The following KMT2C variants were observed in gnomAD, a reference collection of about 807,000 sequenced individuals.
KMT2C encodes the protein histone-lysine N-methyltransferase 2C.
In KMT2C, 88 loss-of-function variants were observed where a neutral mutation model predicts 507.9. The observed-to-expected ratio is 0.17, with a 90% CI of 0.15 to 0.21. The LOEUF (loss-of-function observed/expected upper bound fraction) is 0.21. Among genes scored for constraint, KMT2C ranks in the 10% least tolerant of loss-of-function variants. The pLI is 1.00. For synonymous variants in KMT2C, 2,049 were observed against 2,080.8 expected (o/e 0.98, Z 0.42); for missense variants, 4,954 against 5,957.8 (o/e 0.83, Z 5.55).
At chr7:152,366,248 C>T in intron 1 of KMT2C, among the ~76,000 whole-genome samples, 1 of 152,088 alleles carries the variant, frequency 6.6e-6, no homozygotes, top group East Asian at 1.9e-4. Context: ...TGGGTATACA[C>T]CAAAAAGAAT....
intron 6 of KMT2C, among the ~76,000 whole-genome samples, chr7:152,293,870 A>AT (rs2096459874): frequency 6.6e-6 from 1 of 152,002 alleles, no homozygotes; most frequent in South Asian, 2.1e-4. Context: ...TCATTCATTC[A>AT]TTTTTGAGAC....
At chr7:152,307,948 T>C (rs535753229) in intron 6 of KMT2C, among the ~76,000 whole-genome samples, 3 of 152,334 alleles carry the variant, frequency 2.0e-5, no homozygotes, top group Admixed American at 1.3e-4. Flanking sequence ...CTTTTCACTG[T>C]CACAAAATAG....
At position 152,148,027 on chromosome 7, in the gene KMT2C, C is replaced by T. The variant is rs768878330; in HGVS notation, c.13894+6G>A. 1.2e-5 allele frequency: 19 copies of T among 1,564,572 alleles called. No individual in the cohort carries two copies. Among genetic ancestry groups the T allele is most frequent in the Middle Eastern group, 1.8e-4 (1 of 5,652 alleles). ...CACTGCACAGCATGTGAACGGCAGA[C>T]GTTACCTTTAGGTGAGATGTCACTT... On this transcript the variant is annotated splice_donor_region_variant and intron_variant, in intron 52 of 58. Transcript: ENST00000262189. This position sits in a 1 kb window ranked among gnomAD's most constrained non-coding sequence, Gnocchi z 7.1.
chr7:152,328,911 G>C (rs1236982312), intron 3 of KMT2C, among the ~76,000 whole-genome samples: 2 of 152,082 alleles, frequency 1.3e-5, no homozygotes, highest in African/African-American at 4.8e-5. Context: ...AAGCAGATTT[G>C]GGGCAGAGGT....
Position 152,151,431 on chromosome 7 carries a change from T to C in KMT2C, c.12666+11A>G. ...GTAGGAGGTGGGGTCATAAAAGGAG[T>C]AGCAAAGTACCTTGTTCAAAAGGGT... On this transcript the variant is annotated intron_variant, in intron 50 of 58. Transcript: ENST00000262189. The C allele has an allele frequency of 1.2e-6, 2 of 1,613,286 alleles. No individual in the cohort carries two copies. Among genetic ancestry groups the C allele is most frequent in the Non-Finnish European group, 1.7e-6 (2 of 1,179,632 alleles).
In KMT2C at chr7:152,199,402, C is replaced by T. The variant is rs770768691; in HGVS notation, c.4150G>A (p.Asp1384Asn). 5 of 1,595,776 alleles carry T rather than the reference C, an allele frequency of 3.1e-6. No homozygotes were observed. The highest frequency in any genetic ancestry group is 2.7e-5 in the African/African-American group (2 of 73,666). The change falls in exon 27 of 59, where the codon GAT becomes AAT. Residue 1384 changes from aspartate to asparagine, a missense_variant. By Grantham distance (23) the Asp-to-Asn change is conservative (BLOSUM62 1). Transcript: ENST00000262189. ...TGAGCTCCATCTTCTGACAGATTAT[C>T]TAAACTTATCTTGCTTTGTCTACTT... The part of the protein sequence containing the change: ...DTSRQSKISL[D>N]NLSEDGAQLL...
chr7:152,224,734 C>T (rs1241085032), intron 18 of KMT2C, 118 bp from the exon 19 acceptor site: 4 of 757,974 alleles, frequency 5.3e-6, no homozygotes, highest in Non-Finnish European at 8.5e-6. Flanking sequence ...AATCAACTAA[C>T]ATTTATTGAG....
Position 152,139,771 on chromosome 7 carries a change from A to T in KMT2C, c.14364T>A (p.Ala4788=), listed in dbSNP as rs753311438. The change falls in exon 56 of 59, where the codon GCT becomes GCA. Residue 4788 remains alanine (A), a synonymous_variant. Transcript: ENST00000262189. Reference sequence around the variant, plus strand: ...CCATGGTGTGTTTCTCAATGTCTCGAGCAGCATACAGGCCCAGCCCCTAAA... The same window carrying T: ...CCATGGTGTGTTTCTCAATGTCTCGTGCAGCATACAGGCCCAGCCCCTAAA... ...SRIQGLGLYA[A]RDIEKHTMVI... 6.2e-7 allele frequency: 1 copy of T among 1,613,944 alleles called. No individual in the cohort carries two copies.
chr7:152,290,271 TATATATATATATATATATATATA>T (rs370462971), intron 6 of KMT2C, among the ~76,000 whole-genome samples: 944 of 29,884 alleles, frequency 0.032, 9 homozygotes, highest in Non-Finnish European at 0.046. Flanking sequence ...TATATATATA[TATATATATATATATATATATATA>T]TTTTTTTTTT....
chr7:152,288,210 A>G (rs1240856594), intron 6 of KMT2C, among the ~76,000 whole-genome samples: 12 of 148,932 alleles, frequency 8.1e-5, no homozygotes, highest in East Asian at 2.0e-4. Flanking sequence ...CCTAAACAAG[A>G]GAAGAAAATG....
intron 9 of KMT2C, among the ~76,000 whole-genome samples, chr7:152,255,142 T>TATATATATATATATAC (rs1273227523): frequency 3.3e-4 from 42 of 126,316 alleles, no homozygotes; most frequent in Non-Finnish European, 5.2e-4. Context: ...TATATATATA[T>TATATATATATATATAC]ATACATATAT....
intron 3 of KMT2C, among the ~76,000 whole-genome samples, chr7:152,320,266 T>G (rs2096761242): frequency 6.6e-6 from 1 of 152,202 alleles, no homozygotes; most frequent in Non-Finnish European, 1.5e-5. Flanking sequence ...TTGTTTTTTT[T>G]GAGATGGAGT....
rs2129101518 is a variant in KMT2C at position 152,158,960 on chromosome 7, C to T, written c.11573G>A (p.Gly3858Asp). The change falls in exon 44 of 59, where the codon GGT (glycine) becomes GAT (aspartate). Residue 3858 changes from glycine to aspartate, a missense_variant. Transcript: ENST00000262189. ...CTTTGAGCGAGGTGCTGCTTTCTCA[C>T]CCGTCCTCTGAGTCCGTTTGCTTCG... ...KQRSKRTQRT[G>D]EKAAPRSKKR... 2 of 1,614,204 alleles carry T rather than the reference C, an allele frequency of 1.2e-6. No individual in the cohort carries two copies. The highest frequency in any genetic ancestry group is 2.2e-5 in the East Asian group (1 of 44,882).
At chr7:152,381,360 G>A (rs954934915) in intron 1 of KMT2C, among the ~76,000 whole-genome samples, 14 of 152,162 alleles carry the variant, frequency 9.2e-5, no homozygotes, top group South Asian at 2.1e-4. Flanking sequence ...GGGCAGGGAG[G>A]GGGGGAGGGG....
chr7:152,183,616 GC>G lies in KMT2C; in HGVS notation c.5083-461del, dbSNP rs541923489. Among the ~76,000 whole-genome samples, 32 of 152,034 alleles carry G rather than the reference GC, an allele frequency of 2.1e-4. No homozygotes were observed. In the East Asian group the frequency reaches 6.0e-3, roughly 29 times the overall value. On this transcript the variant is annotated intron_variant, in intron 34 of 58. Transcript: ENST00000262189. ...ACCTCTACTAAAAATACAAAATTAG[GC>G]CAGGCGCAGTGGCTCACACCTGTAA...
chr7:152,149,879 A>C (rs925705392), intron 51 of KMT2C, among the ~76,000 whole-genome samples: 9 of 152,154 alleles, frequency 5.9e-5, no homozygotes, highest in Non-Finnish European at 1.5e-5. Flanking sequence ...CCTTATACCA[A>C]ATCAGGCAGG....
chr7:152,310,861 T>G (rs998833378), intron 5 of KMT2C, among the ~76,000 whole-genome samples: 1 of 151,974 alleles, frequency 6.6e-6, no homozygotes, highest in Non-Finnish European at 1.5e-5. Context: ...ATTTTTTTCA[T>G]TTTTTGTAGA....
chr7:152,261,258 T>A (rs1297724606), intron 9 of KMT2C, among the ~76,000 whole-genome samples: 3 of 152,312 alleles, frequency 2.0e-5, no homozygotes, highest in Admixed American at 2.0e-4. Context: ...TTACATAGAA[T>A]AAAGAACAAT....
intron 1 of KMT2C, among the ~76,000 whole-genome samples, chr7:152,378,289 T>C (rs2097344427): frequency 6.6e-6 from 1 of 152,202 alleles, no homozygotes. Context: ...GCAATCAATG[T>C]AGCAAACTTC....
Sources: allele counts gnomAD v4.1 joint callset (sites outside exome capture counted in the v4.1 genomes callset), GRCh38; gene constraint gnomAD v4.1.1; non-coding constraint Gnocchi (gnomAD v3.1); transcripts MANE v1.5; gene names NCBI Gene and HGNC (gene_info 2026-07-23, HGNC 2026-07-21).